The following PRKN variants were observed in gnomAD, a reference collection of about 807,000 sequenced individuals.
The protein encoded by PRKN is E3 ubiquitin-protein ligase parkin.
In PRKN, 56 loss-of-function variants were observed where a neutral mutation model predicts 59.5. The ratio of observed to expected loss-of-function variants is 0.94; its 90% CI spans 0.76 to 1.18. The LOEUF (loss-of-function observed/expected upper bound fraction) is 1.18, where lower values mean the gene tolerates loss of function less well. PRKN is among the 50% of genes most tolerant of loss of function. The probability of loss-of-function intolerance (pLI) is 0.00; values close to 1 mark genes in which losing one functional copy is unlikely to be tolerated. For missense variants in PRKN, 657 were observed against 596.4 expected (o/e 1.10, Z -1.06); for synonymous variants, 250 against 222.1 (o/e 1.13, Z -1.12).
chr6:162,309,044 C>G (rs1249464554), intron 2 of PRKN, among the ~76,000 whole-genome samples: 1 of 152,148 alleles, frequency 6.6e-6, no homozygotes, highest in Non-Finnish European at 1.5e-5. Flanking sequence ...CATTATGTGT[C>G]TCAGAGACTG....
intron 7 of PRKN, among the ~76,000 whole-genome samples, chr6:161,684,749 C>G (rs1348038247): frequency 6.6e-6 from 1 of 150,736 alleles, no homozygotes; most frequent in Admixed American, 6.6e-5. Flanking sequence ...AATTATTTCA[C>G]TAAAGTCTAT....
chr6:161,722,970 G>A (rs1787286048), intron 7 of PRKN, among the ~76,000 whole-genome samples: 1 of 152,062 alleles, frequency 6.6e-6, no homozygotes, highest in Admixed American at 6.5e-5. Flanking sequence ...TCATTTAGGA[G>A]TTAAACAGTG....
At chr6:162,129,425 G>A (rs1332176336) in intron 4 of PRKN, among the ~76,000 whole-genome samples, 1 of 152,146 alleles carries the variant, frequency 6.6e-6, no homozygotes, top group Non-Finnish European at 1.5e-5. Flanking sequence ...TACTAACATA[G>A]ATGAGGCAGA....
chr6:161,702,198 C>T (rs546232568), intron 7 of PRKN, among the ~76,000 whole-genome samples: 36 of 152,038 alleles, frequency 2.4e-4, no homozygotes, highest in African/African-American at 6.7e-4. Flanking sequence ...AAAATGCCAT[C>T]GGAAGATGAG....
At position 162,472,780 on chromosome 6, in the gene PRKN, C is replaced by T. The variant is rs866191841; in HGVS notation, c.8-29307G>A. ...TGCTGGGATTACAGGTGTGAGCCAC[C>T]GCGCCCGGCCCCAAACTTTTATTTT... On this transcript the variant is annotated intron_variant, in intron 1 of 11. Coordinates refer to ENST00000366898, the MANE Select transcript of PRKN (RefSeq NM_004562.3). Among the ~76,000 whole-genome samples the T allele has an allele frequency of 3.0e-4, 28 of 93,748 alleles. 6 individuals are homozygous for T. Among genetic ancestry groups the T allele is most frequent in the Admixed American group, 4.6e-4 (4 of 8,646 alleles). The allele number at this position is 93,748 out of a possible 152,430, so 61.5% of individuals were successfully genotyped here. A position where few individuals can be genotyped will look rare whatever the true frequency, so the allele number is the denominator to read the frequency against.
Position 161,349,920 on chromosome 6 carries a change from G to C in PRKN, c.*179C>G. The C allele has an allele frequency of 1.5e-6, 1 of 653,364 alleles. No individual in the cohort carries two copies. Among genetic ancestry groups the C allele is most frequent in the South Asian group, 1.7e-5 (1 of 60,254 alleles). 40.5% of individuals were successfully genotyped at this position (653,364 alleles called of 1,614,324 possible). On this transcript the variant is annotated 3_prime_UTR_variant, in exon 12 of 12. Coordinates refer to ENST00000366898, the MANE Select transcript of PRKN (RefSeq NM_004562.3). The surrounding 1 kb of genome is among the most constrained non-coding windows in gnomAD (Gnocchi z 5.5). ...CTCTGCTGTTTTTCATGGACATAGT[G>C]AAAGGGATCCAGGAGTTTCTTCTGC...
intron 5 of PRKN, among the ~76,000 whole-genome samples, chr6:161,991,100 A>T (rs1480104397): frequency 6.6e-6 from 1 of 152,184 alleles, no homozygotes; most frequent in Non-Finnish European, 1.5e-5. Flanking sequence ...GATGATATAG[A>T]GTGCTGAATG....
At chr6:162,168,382 CCCCTAACTAGTA>C (rs1783087851) in intron 4 of PRKN, among the ~76,000 whole-genome samples, 1 of 151,346 alleles carries the variant, frequency 6.6e-6, no homozygotes, top group South Asian at 2.1e-4. Context: ...AGTCTTGTGG[CCCCTAACTAGTA>C]ATTAAGAGAA....
intron 2 of PRKN, among the ~76,000 whole-genome samples, chr6:162,283,532 A>T (rs1210601683): frequency 6.6e-6 from 1 of 152,164 alleles, no homozygotes; most frequent in Non-Finnish European, 1.5e-5. Context: ...CATAGAGTGA[A>T]AAAATCCTTA....
chr6:161,944,098 CAGCCTGAGGAAT>C (rs1779691057), intron 6 of PRKN, among the ~76,000 whole-genome samples: 2 of 132,938 alleles, frequency 1.5e-5, no homozygotes, highest in African/African-American at 6.3e-5. Flanking sequence ...CCTGAGGGAT[CAGCCTGAGGAAT>C]CAGCCTGAGG....
At chr6:162,217,565 T>C (rs1018595173) in intron 3 of PRKN, among the ~76,000 whole-genome samples, 6 of 152,124 alleles carry the variant, frequency 3.9e-5, no homozygotes, top group African/African-American at 7.2e-5. Context: ...TTTGTGTGTG[T>C]ATTTTTAGTA....
At chr6:161,782,867 C>T (rs1168704103) in intron 7 of PRKN, among the ~76,000 whole-genome samples, 1 of 151,926 alleles carries the variant, frequency 6.6e-6, no homozygotes, top group African/African-American at 2.4e-5. Flanking sequence ...GCACTCCAGC[C>T]TCGGCGACAG....
intron 6 of PRKN, among the ~76,000 whole-genome samples, chr6:161,948,202 G>C (rs1027348371): frequency 9.2e-5 from 14 of 152,060 alleles, no homozygotes; most frequent in African/African-American, 3.4e-4. Context: ...GGCCAGGCTG[G>C]TCTTGAACTC....
At chr6:161,465,828 C>T (rs1253277076) in intron 9 of PRKN, among the ~76,000 whole-genome samples, 1 of 152,064 alleles carries the variant, frequency 6.6e-6, no homozygotes, top group Non-Finnish European at 1.5e-5. Flanking sequence ...CTTTCTTTTT[C>T]TTCTTGGATT....
At chr6:162,420,595 G>A (rs543441295) in intron 2 of PRKN, among the ~76,000 whole-genome samples, 1 of 152,108 alleles carries the variant, frequency 6.6e-6, no homozygotes, top group Non-Finnish European at 1.5e-5. Context: ...TAGGAGATTC[G>A]GATACAGACA....
intron 5 of PRKN, among the ~76,000 whole-genome samples, chr6:161,997,398 C>T (rs1295844978): frequency 6.6e-6 from 1 of 152,072 alleles, no homozygotes; most frequent in Non-Finnish European, 1.5e-5. Context: ...CTAAGCCATT[C>T]CACATAACTG....
intron 1 of PRKN, among the ~76,000 whole-genome samples, chr6:162,670,148 TCTATCA>T (rs1410622678): frequency 2.0e-5 from 3 of 152,138 alleles, no homozygotes; most frequent in Non-Finnish European, 4.4e-5. Flanking sequence ...CACTCAGAAC[TCTATCA>T]ATTTCAAACT....
chr6:162,292,791 C>A (rs1781502594), intron 2 of PRKN, among the ~76,000 whole-genome samples: 1 of 152,134 alleles, frequency 6.6e-6, no homozygotes, highest in South Asian at 2.1e-4. Context: ...TAAAAACCCC[C>A]AGATCTCTTT....
At chr6:162,563,479 T>C (rs776341995) in intron 1 of PRKN, among the ~76,000 whole-genome samples, 2 of 152,186 alleles carry the variant, frequency 1.3e-5, no homozygotes, top group Admixed American at 6.5e-5. Context: ...CCCCCTAAAG[T>C]AGATACAGCT....
Sources: allele counts gnomAD v4.1 joint callset (sites outside exome capture counted in the v4.1 genomes callset), GRCh38; gene constraint gnomAD v4.1.1; non-coding constraint Gnocchi (gnomAD v3.1); transcripts MANE v1.5; gene names NCBI Gene and HGNC (gene_info 2026-07-23, HGNC 2026-07-21).